DGKI: variants seen among roughly 807,000 people sequenced by gnomAD.
DGKI encodes diacylglycerol kinase iota.
Under a neutral mutation model 147.5 loss-of-function variants are expected in DGKI, and 55 were observed. The observed-to-expected ratio is 0.37, with a 90% CI of 0.30 to 0.47. The LOEUF (loss-of-function observed/expected upper bound fraction) is 0.47. Among genes scored for constraint, DGKI ranks in the 20% least tolerant of loss-of-function variants. The probability of loss-of-function intolerance (pLI) is 1.00; values close to 1 mark genes in which losing one functional copy is unlikely to be tolerated. For missense variants in DGKI, 1,007 were observed against 1,323.8 expected, an observed-to-expected ratio of 0.76 and a Z score of 3.71; for synonymous variants, 469 against 477.1, an observed-to-expected ratio of 0.98 and a Z score of 0.22.
rs1811255695 is a variant in DGKI, at chr7:137,388,744, G to T, written c.*2476C>A. The T allele has an allele frequency of 6.6e-6, 1 of 150,984 alleles. No individual in the cohort carries two copies. 9.4% of individuals were successfully genotyped at this position (150,984 alleles called of 1,614,324 possible). ...GAAATCCCAAGTCCTAGTGGTACTTGCTTTTTTCAAAGCGATATATCAAAT... is the reference window on the plus strand; with the variant it reads ...GAAATCCCAAGTCCTAGTGGTACTTTCTTTTTTCAAAGCGATATATCAAAT... On this transcript the variant is annotated 3_prime_UTR_variant, in exon 33 of 33. Transcript: ENST00000614521.
intron 28 of DGKI, among the ~76,000 whole-genome samples, chr7:137,426,903 G>C (rs1029697725): frequency 6.6e-6 from 1 of 151,912 alleles, no homozygotes; most frequent in African/African-American, 2.4e-5. Flanking sequence ...CATAAAGCAA[G>C]TCCTGAGTGA....
intron 1 of DGKI, among the ~76,000 whole-genome samples, chr7:137,782,142 C>A (rs1405183872): frequency 6.6e-6 from 1 of 152,126 alleles, no homozygotes; most frequent in Non-Finnish European, 1.5e-5. Flanking sequence ...CCTTGAGACA[C>A]CAAAAAACTG....
chr7:137,711,779 C>T (rs1032871379), intron 1 of DGKI, among the ~76,000 whole-genome samples: 1 of 145,954 alleles, frequency 6.9e-6, no homozygotes, highest in African/African-American at 2.5e-5. Context: ...CTGCAACCTA[C>T]GCCTCCTGGG....
At position 137,384,070 on chromosome 7, in the gene DGKI, G is replaced by C. The variant is rs1015490516; in HGVS notation, c.*7150C>G. ...GCTTGCATACCCACCCATAAACTTA[G>C]AGCAATAGAGTCTTGGATGTCAGGG... On this transcript the variant is annotated 3_prime_UTR_variant, in exon 33 of 33. Coordinates refer to ENST00000614521, the MANE Select transcript of DGKI (RefSeq NM_001321708.2). 2.6e-5 allele frequency: 4 copies of C among 151,990 alleles called. No homozygotes were observed. The highest frequency in any genetic ancestry group is 9.7e-5 in the African/African-American group (4 of 41,406). 9.4% of individuals were successfully genotyped at this position (151,990 alleles called of 1,614,324 possible). A position where few individuals can be genotyped will look rare whatever the true frequency, so the allele number is the denominator to read the frequency against.
intron 23 of DGKI, among the ~76,000 whole-genome samples, chr7:137,478,058 A>G (rs1391591596): frequency 6.6e-6 from 1 of 152,226 alleles, no homozygotes; most frequent in Non-Finnish European, 1.5e-5. Context: ...TGCGCACCAT[A>G]AAGGTCTACA....
intron 6 of DGKI, among the ~76,000 whole-genome samples, chr7:137,642,932 G>GTGTGTA (rs1243521777): frequency 1.4e-5 from 2 of 143,806 alleles, no homozygotes; most frequent in Admixed American, 1.4e-4. Context: ...ATGGAATAGT[G>GTGTGTA]TGTGTGTGTG....
At chr7:137,738,138 T>C (rs1484651421) in intron 1 of DGKI, among the ~76,000 whole-genome samples, 2 of 152,174 alleles carry the variant, frequency 1.3e-5, no homozygotes, top group African/African-American at 4.8e-5. Flanking sequence ...ATTACCATTT[T>C]GTAGATGCGG....
chr7:137,618,069 A>T (rs1820595511), intron 8 of DGKI, among the ~76,000 whole-genome samples: 1 of 132,514 alleles, frequency 7.5e-6, no homozygotes, highest in Non-Finnish European at 1.6e-5. Flanking sequence ...CGGACTTCCA[A>T]ATTCCCATAC....
chr7:137,549,300 G>T (rs1415285235), intron 20 of DGKI, among the ~76,000 whole-genome samples: 1 of 152,210 alleles, frequency 6.6e-6, no homozygotes, highest in African/African-American at 2.4e-5. Context: ...CTGGGCTGAA[G>T]ACACAGATCA....
intron 27 of DGKI, among the ~76,000 whole-genome samples, chr7:137,448,300 CAAA>C (rs35613517): frequency 1.3e-5 from 1 of 79,934 alleles, no homozygotes; most frequent in Non-Finnish European, 2.5e-5. Context: ...ACTAGAAGCT[CAAA>C]AAAAAAAAAA....
intron 23 of DGKI, among the ~76,000 whole-genome samples, chr7:137,484,729 G>C (rs1563047546): frequency 6.6e-6 from 1 of 152,024 alleles, no homozygotes; most frequent in Non-Finnish European, 1.5e-5. Flanking sequence ...AAGAATAACT[G>C]AGTGTTCTCC....
rs1811311013 is a variant in DGKI at position 137,390,268 on chromosome 7, T to G, written c.*952A>C. 6.6e-6 allele frequency: 1 copy of G among 152,638 alleles called. No individual in the cohort carries two copies. Among genetic ancestry groups the G allele is most frequent in the Non-Finnish European group, 1.5e-5 (1 of 68,042 alleles). The allele number at this position is 152,638 out of a possible 1,614,324, so 9.5% of individuals were successfully genotyped here. A position where few individuals can be genotyped will look rare whatever the true frequency, so the allele number is the denominator to read the frequency against. Reference sequence around the variant, plus strand: ...AACATTGTTAGAGTGCTCCATTTCCTGTAACCACAGTTCCCACACAGGATT... The same window carrying G: ...AACATTGTTAGAGTGCTCCATTTCCGGTAACCACAGTTCCCACACAGGATT... On this transcript the variant is annotated 3_prime_UTR_variant, in exon 33 of 33. Coordinates refer to ENST00000614521, the MANE Select transcript of DGKI (RefSeq NM_001321708.2).
chr7:137,529,353 G>T (rs1332489798), intron 20 of DGKI, among the ~76,000 whole-genome samples: 1 of 152,036 alleles, frequency 6.6e-6, no homozygotes, highest in African/African-American at 2.4e-5. Context: ...AAAAATCTAT[G>T]CTTTTGAGCA....
At chr7:137,735,912 T>C (rs964722585) in intron 1 of DGKI, among the ~76,000 whole-genome samples, 1 of 152,114 alleles carries the variant, frequency 6.6e-6, no homozygotes, top group African/African-American at 2.4e-5. Flanking sequence ...CCGTCCGCTA[T>C]GTCAGTGACA....
chr7:137,669,721 G>A (rs959172616), intron 3 of DGKI, among the ~76,000 whole-genome samples: 1 of 152,116 alleles, frequency 6.6e-6, no homozygotes, highest in Non-Finnish European at 1.5e-5. Flanking sequence ...TTAGTATAAA[G>A]GCAAAAGAAC....
intron 6 of DGKI, among the ~76,000 whole-genome samples, chr7:137,625,352 C>G (rs968234172): frequency 1.3e-5 from 2 of 151,696 alleles, no homozygotes; most frequent in Non-Finnish European, 2.9e-5. Context: ...CCCAGCTACT[C>G]GGGAGGCTGA....
At chr7:137,474,372 A>C (rs542993404) in intron 23 of DGKI, among the ~76,000 whole-genome samples, 25 of 152,322 alleles carry the variant, frequency 1.6e-4, no homozygotes, top group African/African-American at 5.1e-4. Context: ...ACAGATTGAC[A>C]ATATGCAAAA....
intron 1 of DGKI, among the ~76,000 whole-genome samples, chr7:137,822,195 T>C (rs1797926404): frequency 6.6e-6 from 1 of 152,048 alleles, no homozygotes; most frequent in African/African-American, 2.4e-5. Context: ...TCACCTGAGG[T>C]CAGGAGTTCG....
intron 21 of DGKI, among the ~76,000 whole-genome samples, chr7:137,503,177 G>T (rs1489413531): frequency 6.6e-6 from 1 of 152,156 alleles, no homozygotes; most frequent in African/African-American, 2.4e-5. Context: ...TGACAGCCTT[G>T]CTATATAACC....
Sources: allele counts gnomAD v4.1 joint callset (sites outside exome capture counted in the v4.1 genomes callset), GRCh38; gene constraint gnomAD v4.1.1; transcripts MANE v1.5; gene names NCBI Gene and HGNC (gene_info 2026-07-23, HGNC 2026-07-21).